Variants in CFAP47 observed in about 807,000 individuals in gnomAD.
CFAP47 encodes the protein cilia- and flagella-associated protein 47.
In CFAP47, 29 loss-of-function variants were observed where a neutral mutation model predicts 148.1. That is an observed-to-expected ratio of 0.20 (90% CI 0.15 to 0.27). The LOEUF (loss-of-function observed/expected upper bound fraction) is 0.27, where lower values mean the gene tolerates loss of function less well. Ranked by LOEUF, CFAP47 falls within the 10% of genes least tolerant of loss-of-function variation. The pLI, the probability that CFAP47 is intolerant of heterozygous loss-of-function variation, is 1.00. For missense variants in CFAP47, 1,872 were observed against 1,697.5 expected, an observed-to-expected ratio of 1.10 and a Z score of -1.81; for synonymous variants, 664 against 577.3, an observed-to-expected ratio of 1.15 and a Z score of -2.15.
At chrX:35,958,439 T>C (rs1936277086) in intron 8 of CFAP47, among the ~76,000 whole-genome samples, 1 of 111,733 alleles carries the variant, frequency 8.9e-6, no homozygotes, top group African/African-American at 3.3e-5. Context: ...GTTTAACTTT[T>C]TAAGAAACTG....
At chrX:36,349,912 T>C (rs2146984549) in intron 58 of CFAP47, 126 bp from the exon 59 acceptor site, 5 of 362,551 alleles carry the variant, frequency 1.4e-5, no homozygotes, top group Non-Finnish European at 2.4e-5. Flanking sequence ...CTTTCATCAG[T>C]TGCTCTCTAC....
At chrX:36,217,176 A>C (rs1341983161) in intron 45 of CFAP47, among the ~76,000 whole-genome samples, 1 of 111,978 alleles carries the variant, frequency 8.9e-6, no homozygotes, top group Non-Finnish European at 1.9e-5. Flanking sequence ...TAATTTTTGC[A>C]AAGGTGGTTT....
At position 35,948,373 on chromosome X, in the gene CFAP47, A is replaced by G; in HGVS notation, c.577A>G (p.Ile193Val). 1.7e-6 allele frequency: 2 copies of G among 1,199,299 alleles called. No individual in the cohort carries two copies. The highest frequency in any genetic ancestry group is 2.3e-6 in the Non-Finnish European group (2 of 884,048). Residue 193 changes from isoleucine (I) to valine (V), a missense_variant, in exon 4 of 64, where the codon ATC (isoleucine) becomes GTC (valine). Ile to Val is a conservative substitution (Grantham distance 29, BLOSUM62 3). Transcript: ENST00000378653. ...CATCCTCATTTTTCCAACTAGTGGT[A>G]TCGTGGATGCTAAGTCATCAATGGT... ...LPILIFPTSG[I>V]VDAKSSMVIK...
At chrX:35,928,480 GT>G (rs1935778472) in intron 2 of CFAP47, among the ~76,000 whole-genome samples, 1 of 111,215 alleles carries the variant, frequency 9.0e-6, no homozygotes, top group Non-Finnish European at 1.9e-5. Flanking sequence ...CTGTTAATGT[GT>G]TTTTCTCATT....
chrX:36,341,325 G>A (rs1285080121), intron 57 of CFAP47, among the ~76,000 whole-genome samples: 3 of 111,146 alleles, frequency 2.7e-5, no homozygotes, highest in South Asian at 3.8e-4. Context: ...GTGAGCCACC[G>A]CGCCTGGCCG....
chrX:36,310,303 C>T (rs1941383136), intron 55 of CFAP47, among the ~76,000 whole-genome samples: 1 of 110,922 alleles, frequency 9.0e-6, no homozygotes, highest in South Asian at 3.7e-4. Context: ...ATTCATTTAT[C>T]CATATCATGT....
intron 26 of CFAP47, 81 bp downstream of exon 26, chrX:36,047,144 A>G: frequency 3.0e-6 from 2 of 666,328 alleles, no homozygotes; most frequent in Non-Finnish European, 4.5e-6. Context: ...GTAAAATGTT[A>G]AAAAGAGAGG....
At chrX:36,239,383 T>C (rs990312880) in intron 48 of CFAP47, among the ~76,000 whole-genome samples, 5 of 112,397 alleles carry the variant, frequency 4.4e-5, no homozygotes, top group Non-Finnish European at 5.6e-5. Context: ...GTTTGTGGCA[T>C]TTTAACTTGA....
intron 21 of CFAP47, among the ~76,000 whole-genome samples, chrX:36,013,084 G>A (rs1173752541): frequency 4.5e-5 from 5 of 110,226 alleles, no homozygotes; most frequent in African/African-American, 1.3e-4. Flanking sequence ...TGTTTTTCAC[G>A]TTTCTGTGGG....
intron 42 of CFAP47, among the ~76,000 whole-genome samples, chrX:36,198,204 G>A (rs959173611): frequency 7.2e-5 from 8 of 111,078 alleles, no homozygotes; most frequent in African/African-American, 2.6e-4. Context: ...TACATTTTAG[G>A]GAGGCATAAG....
chrX:36,183,019 G>C (rs952435590), intron 40 of CFAP47, among the ~76,000 whole-genome samples: 1 of 112,407 alleles, frequency 8.9e-6, no homozygotes, highest in Non-Finnish European at 1.9e-5. Context: ...ATATAGAAAG[G>C]AGCCTCCTGA....
rs1225509873 is a variant in CFAP47 at position 35,989,315 on chromosome X, G to A, written c.2714-4G>A. On this transcript the variant is annotated splice_polypyrimidine_tract_variant and splice_region_variant and intron_variant, in intron 15 of 63. Coordinates refer to ENST00000378653, the MANE Select transcript of CFAP47 (RefSeq NM_001304548.2). ...GTCTTATTTTCTCTCTACATTTTCCGTAGGCACTGTTGAAGCATATTCCTC... is the reference window on the plus strand; with the variant it reads ...GTCTTATTTTCTCTCTACATTTTCCATAGGCACTGTTGAAGCATATTCCTC... 42 of 1,179,137 alleles carry A rather than the reference G, an allele frequency of 3.6e-5. No individual in the cohort carries two copies. The highest frequency in any genetic ancestry group is 5.4e-5 in the South Asian group (3 of 55,300).
At chrX:36,274,430 G>T (rs886241361) in intron 49 of CFAP47, among the ~76,000 whole-genome samples, 1 of 111,479 alleles carries the variant, frequency 9.0e-6, no homozygotes, top group Admixed American at 9.6e-5. Flanking sequence ...ATAAAATATG[G>T]TAAGTTTAAA....
At chrX:36,356,870 A>T (rs1012453864) in intron 60 of CFAP47, among the ~76,000 whole-genome samples, 2 of 112,125 alleles carry the variant, frequency 1.8e-5, no homozygotes, top group Middle Eastern at 4.6e-3. Context: ...TTTGAAACTA[A>T]CTGAGAGGCA....
intron 44 of CFAP47, among the ~76,000 whole-genome samples, chrX:36,204,679 C>A (rs782669480): frequency 9.0e-6 from 1 of 111,539 alleles, no homozygotes; most frequent in Non-Finnish European, 1.9e-5. Context: ...TGCTGGTCAG[C>A]GGTGGAATAG....
chrX:36,339,774 T>C (rs1941637728), intron 57 of CFAP47, among the ~76,000 whole-genome samples: 1 of 112,316 alleles, frequency 8.9e-6, no homozygotes, highest in African/African-American at 3.2e-5. Flanking sequence ...TTTGTGCTAA[T>C]ATATTCTTAA....
chrX:36,032,354 G>A (rs1162768591), intron 23 of CFAP47, among the ~76,000 whole-genome samples: 1 of 110,016 alleles, frequency 9.1e-6, no homozygotes, highest in Admixed American at 9.8e-5. Flanking sequence ...TCCCATGAAT[G>A]ATATTTGCAG....
Position 36,044,561 on chromosome X carries a change from C to T in CFAP47, c.4008-2293C>T, listed in dbSNP as rs1937443309. On this transcript the variant is annotated intron_variant, in intron 25 of 63. Transcript: ENST00000378653. Reference sequence around the variant, plus strand: ...CCACAGATCTCTAGGGCAAGGGCGACATGCCACCAGTCTCTTTGCTAAAGC... The same window carrying T: ...CCACAGATCTCTAGGGCAAGGGCGATATGCCACCAGTCTCTTTGCTAAAGC... Among the ~76,000 whole-genome samples, 2 of 112,290 alleles carry T rather than the reference C, an allele frequency of 1.8e-5. 1 individual carries two copies. The highest frequency in any genetic ancestry group is 7.4e-4 in the South Asian group (2 of 2,717).
intron 45 of CFAP47, among the ~76,000 whole-genome samples, chrX:36,220,757 A>G (rs1466893824): frequency 9.0e-6 from 1 of 111,688 alleles, no homozygotes; most frequent in Non-Finnish European, 1.9e-5. Flanking sequence ...AGAATACCTA[A>G]ATTTACACGT....
Sources: allele counts gnomAD v4.1 joint callset (sites outside exome capture counted in the v4.1 genomes callset), GRCh38; gene constraint gnomAD v4.1.1; transcripts MANE v1.5; gene names NCBI Gene and HGNC (gene_info 2026-07-23, HGNC 2026-07-21).